PFDN4: variants seen among roughly 807,000 people sequenced by gnomAD.
The protein encoded by PFDN4 is prefoldin 4.
A neutral mutation model predicts 17.6 loss-of-function variants in PFDN4; 6 were observed. The observed-to-expected ratio is 0.34, with a 90% CI of 0.19 to 0.67. The LOEUF (loss-of-function observed/expected upper bound fraction) is 0.67. Ranked by LOEUF, PFDN4 falls within the 30% of genes least tolerant of loss-of-function variation. The pLI, the probability that PFDN4 is intolerant of heterozygous loss-of-function variation, is 0.68. For synonymous variants in PFDN4, 48 were observed against 51.1 expected, an observed-to-expected ratio of 0.94 and a Z score of 0.26; for missense variants, 119 against 158.4, an observed-to-expected ratio of 0.75 and a Z score of 1.33.
chr20:54,218,444 T>A (rs921171796), intron 3 of PFDN4, among the ~76,000 whole-genome samples: 1 of 152,166 alleles, frequency 6.6e-6, no homozygotes, highest in African/African-American at 2.4e-5. Context: ...ATAGTTAACA[T>A]GTCTATCACC....
intron 1 of PFDN4, among the ~76,000 whole-genome samples, chr20:54,209,502 T>G (rs1408970145): frequency 6.6e-6 from 1 of 152,224 alleles, no homozygotes; most frequent in Non-Finnish European, 1.5e-5. Flanking sequence ...AAATTCTTAC[T>G]GTGTCCCAGA....
intron 1 of PFDN4, among the ~76,000 whole-genome samples, chr20:54,209,234 G>A (rs1006108778): frequency 4.6e-5 from 7 of 152,164 alleles, no homozygotes; most frequent in Admixed American, 1.3e-4. Flanking sequence ...TTCTGACTCC[G>A]GAGTCTGTGT....
At chr20:54,218,176 C>CTTTTTTTTT (rs11365330) in intron 3 of PFDN4, among the ~76,000 whole-genome samples, 1 of 129,264 alleles carries the variant, frequency 7.7e-6, no homozygotes, top group African/African-American at 2.7e-5. Flanking sequence ...AACTTAATGG[C>CTTTTTTTTT]TTTTTTTTTT....
At chr20:54,212,587 A>G (rs959421108) in intron 1 of PFDN4, among the ~76,000 whole-genome samples, 1 of 152,232 alleles carries the variant, frequency 6.6e-6, no homozygotes, top group Non-Finnish European at 1.5e-5. Context: ...TTCAGAAACC[A>G]TGTATTAGCC....
chr20:54,214,303 G>T, intron 1 of PFDN4, 48 bp from the exon 2 acceptor site: 1 of 969,038 alleles, frequency 1.0e-6, no homozygotes, highest in South Asian at 1.5e-5. Flanking sequence ...AAAGCTAACT[G>T]ATAACTTCTC....
Position 54,219,208 on chromosome 20 carries a change from A to C in PFDN4, c.*58A>C. 2 of 1,081,874 alleles carry C rather than the reference A, an allele frequency of 1.8e-6. No individual in the cohort carries two copies. The highest frequency in any genetic ancestry group is 2.5e-6 in the Non-Finnish European group (2 of 785,060). The allele number at this position is 1,081,874 out of a possible 1,614,324, so 67.0% of individuals were successfully genotyped here. A position where few individuals can be genotyped will look rare whatever the true frequency, so the allele number is the denominator to read the frequency against. ...AAACTTGAATATTGTTTAAAATGAT[A>C]ATTTTCCTTCTTCAAATGACATGGA... On this transcript the variant is annotated 3_prime_UTR_variant, in exon 4 of 4. Coordinates refer to ENST00000371419, the MANE Select transcript of PFDN4 (RefSeq NM_002623.4).
intron 1 of PFDN4, among the ~76,000 whole-genome samples, chr20:54,213,717 A>G (rs1194554492): frequency 6.6e-6 from 1 of 152,242 alleles, no homozygotes; most frequent in East Asian, 1.9e-4. Flanking sequence ...TTGGTACTTT[A>G]TGTTATCCAA....
At chr20:54,210,977 C>T (rs1021748506) in intron 1 of PFDN4, among the ~76,000 whole-genome samples, 22 of 152,136 alleles carry the variant, frequency 1.4e-4, no homozygotes, top group Admixed American at 8.5e-4. Flanking sequence ...CCCAGCTACT[C>T]GGGAGGCTGA....
intron 1 of PFDN4, among the ~76,000 whole-genome samples, chr20:54,209,193 C>T (rs1019187006): frequency 6.6e-6 from 1 of 152,080 alleles, no homozygotes; most frequent in African/African-American, 2.4e-5. Context: ...AAAACAGGCG[C>T]GGAGGCAAAG....
intron 3 of PFDN4, among the ~76,000 whole-genome samples, chr20:54,216,499 T>C (rs1423077757): frequency 6.6e-6 from 1 of 152,202 alleles, no homozygotes; most frequent in Non-Finnish European, 1.5e-5. Flanking sequence ...TTCTTCTTGG[T>C]CAAATTTTGT....
intron 1 of PFDN4, among the ~76,000 whole-genome samples, chr20:54,210,421 CAGAG>C (rs370795562): frequency 1.1e-3 from 169 of 152,288 alleles, no homozygotes; most frequent in African/African-American, 3.8e-3. Flanking sequence ...GAGAGTGAAA[CAGAG>C]AGAGATAGCC....
chr20:54,215,975 C>CCT (rs543436316), intron 3 of PFDN4, among the ~76,000 whole-genome samples: 428 of 152,312 alleles, frequency 2.8e-3, no homozygotes, highest in Non-Finnish European at 4.6e-3. Context: ...GGCACACAGG[C>CCT]CTTTAAAAAC....
intron 3 of PFDN4, among the ~76,000 whole-genome samples, chr20:54,216,661 TTTATTTA>T (rs2092762901): frequency 6.6e-6 from 1 of 152,022 alleles, no homozygotes; most frequent in Non-Finnish European, 1.5e-5. Context: ...TATTTATTTA[TTTATTTA>T]TTTTTTGAGA....
intron 2 of PFDN4, among the ~76,000 whole-genome samples, chr20:54,214,771 C>G (rs2092760434): frequency 6.6e-6 from 1 of 152,168 alleles, no homozygotes; most frequent in African/African-American, 2.4e-5. Context: ...CCCTTGCAGA[C>G]TTAGGAACAC....
chr20:54,218,950 T>A, intron 3 of PFDN4, 69 bp from the exon 4 acceptor site: 1 of 1,045,572 alleles, frequency 9.6e-7, no homozygotes. Context: ...TTCCCAAATA[T>A]TATTTCAGAC....
intron 1 of PFDN4, among the ~76,000 whole-genome samples, chr20:54,211,259 A>T (rs532554838): frequency 6.8e-4 from 103 of 152,336 alleles, no homozygotes; most frequent in Middle Eastern, 3.4e-3. Context: ...ACTTGGTGTG[A>T]GGCATGACTG....
intron 3 of PFDN4, 94 bp from the exon 4 acceptor site, chr20:54,218,925 C>T (rs1485409594): frequency 2.5e-6 from 2 of 795,558 alleles, no homozygotes; most frequent in Non-Finnish European, 3.9e-6. Context: ...TTAGAAGGTT[C>T]TTGACCTAAA....
chr20:54,209,883 A>C (rs1053563995), intron 1 of PFDN4, among the ~76,000 whole-genome samples: 1 of 152,206 alleles, frequency 6.6e-6, no homozygotes, highest in Non-Finnish European at 1.5e-5. Flanking sequence ...CCTTAATCTC[A>C]TAGCCCCAAA....
At chr20:54,211,143 A>G (rs1301849907) in intron 1 of PFDN4, among the ~76,000 whole-genome samples, 2 of 152,228 alleles carry the variant, frequency 1.3e-5, no homozygotes, top group African/African-American at 4.8e-5. Flanking sequence ...TTTACATCAT[A>G]CAGACTTGGT....
Sources: gnomAD v4.1 joint callset for allele counts (sites outside exome capture counted in the v4.1 genomes callset) on GRCh38, gnomAD v4.1.1 for gene constraint, MANE v1.5 for transcripts, NCBI Gene and HGNC (gene_info 2026-07-23, HGNC 2026-07-21) for gene names.